Variants in NEK1 observed in about 807,000 individuals in gnomAD.
NEK1 encodes the protein serine/threonine-protein kinase Nek1.
Under a neutral mutation model 182.1 loss-of-function variants are expected in NEK1, and 137 were observed. The observed-to-expected ratio is 0.75, with a 90% CI of 0.65 to 0.87. The LOEUF is 0.87. Ranked by LOEUF, NEK1 falls within the 40% of genes least tolerant of loss-of-function variation. The pLI, the probability that NEK1 is intolerant of heterozygous loss-of-function variation, is 0.00. For missense variants in NEK1, 1,391 were observed against 1,494.4 expected, an observed-to-expected ratio of 0.93 and a Z score of 1.14; for synonymous variants, 513 against 492.2, an observed-to-expected ratio of 1.04 and a Z score of -0.56.
chr4:169,549,254 C>A (rs998688021), intron 18 of NEK1, among the ~76,000 whole-genome samples: 3 of 152,186 alleles, frequency 2.0e-5, no homozygotes, highest in African/African-American at 7.2e-5. Flanking sequence ...GGTGACACCC[C>A]ACCCTGCTTC....
chr4:169,603,909 T>C (rs1273164967), intron 2 of NEK1, among the ~76,000 whole-genome samples: 1 of 152,118 alleles, frequency 6.6e-6, no homozygotes, highest in Non-Finnish European at 1.5e-5. Flanking sequence ...TTTCGCCATG[T>C]TGGCTGGTCT....
chr4:169,599,729 T>C (rs774205014), intron 4 of NEK1, among the ~76,000 whole-genome samples: 4 of 152,092 alleles, frequency 2.6e-5, no homozygotes, highest in African/African-American at 4.8e-5. Context: ...GAGCTTTCCT[T>C]AATTTTATGC....
intron 19 of NEK1, among the ~76,000 whole-genome samples, chr4:169,521,733 A>T (rs1257454668): frequency 6.6e-6 from 1 of 152,178 alleles, no homozygotes; most frequent in Non-Finnish European, 1.5e-5. Flanking sequence ...TTCTTCTTTC[A>T]GCACCTGAAA....
chr4:169,526,481 ACCC>A (rs1488327952), intron 19 of NEK1, among the ~76,000 whole-genome samples: 1 of 152,040 alleles, frequency 6.6e-6, no homozygotes, highest in East Asian at 1.9e-4. Flanking sequence ...ACAGAGGGAA[ACCC>A]CGTCTCTAAA....
chr4:169,521,888 T>C (rs1313621779), intron 19 of NEK1, among the ~76,000 whole-genome samples: 1 of 152,204 alleles, frequency 6.6e-6, no homozygotes, highest in African/African-American at 2.4e-5. Flanking sequence ...TTAGTGTGGA[T>C]TCGAGTTTAT....
intron 19 of NEK1, among the ~76,000 whole-genome samples, chr4:169,512,304 T>C (rs55712656): frequency 9.3e-4 from 142 of 152,246 alleles, no homozygotes; most frequent in African/African-American, 3.2e-3. Context: ...TTTTTTATTA[T>C]AGCCATTTTG....
At chr4:169,513,260 T>C (rs1325515137) in intron 19 of NEK1, among the ~76,000 whole-genome samples, 2 of 152,210 alleles carry the variant, frequency 1.3e-5, no homozygotes, top group Non-Finnish European at 2.9e-5. Flanking sequence ...TTAGATTTTT[T>C]TCACCAGCAT....
At chr4:169,605,469 TA>T (rs1771182981) in intron 2 of NEK1, among the ~76,000 whole-genome samples, 1 of 152,078 alleles carries the variant, frequency 6.6e-6, no homozygotes, top group Non-Finnish European at 1.5e-5. Context: ...ATAAAGGAAG[TA>T]AAAGGGAAAA....
chr4:169,606,652 A>G (rs1771389149), intron 2 of NEK1, among the ~76,000 whole-genome samples: 1 of 152,226 alleles, frequency 6.6e-6, no homozygotes, highest in Non-Finnish European at 1.5e-5. Context: ...AGAAGACCAC[A>G]GATATCTCTA....
chr4:169,561,228 G>T (rs1248451230), intron 16 of NEK1, among the ~76,000 whole-genome samples: 5 of 152,088 alleles, frequency 3.3e-5, no homozygotes, highest in African/African-American at 9.7e-5. Flanking sequence ...TTCCTGACAG[G>T]AATAATGTTA....
chr4:169,453,063 T>C lies in NEK1; in HGVS notation c.2587+10180A>G, dbSNP rs566638771. On this transcript the variant is annotated intron_variant, in intron 27 of 35. Transcript: ENST00000507142. ...ATCATGAGTGAACTCCCATTCACAA[T>C]AGCTACAAAGAGAATAAAATACCTA... 4.4e-3 allele frequency among the ~76,000 whole-genome samples: 674 copies of C among 152,248 alleles called. 5 individuals carry two copies. Among genetic ancestry groups the C allele is most frequent in the Non-Finnish European group, 6.6e-3 (446 of 68,026 alleles).
intron 29 of NEK1, among the ~76,000 whole-genome samples, chr4:169,431,095 G>A (rs1057493610): frequency 5.9e-5 from 9 of 151,970 alleles, no homozygotes; most frequent in African/African-American, 2.2e-4. Flanking sequence ...ATTTCAGATT[G>A]AATCACGAAC....
At chr4:169,597,286 C>T (rs1769669407) in intron 5 of NEK1, among the ~76,000 whole-genome samples, 1 of 152,080 alleles carries the variant, frequency 6.6e-6, no homozygotes, top group Admixed American at 6.6e-5. Context: ...CAATTACCAA[C>T]TTGATAAGTA....
rs761946886 is a variant in NEK1, at chr4:169,602,096, A to C, written c.126T>G (p.Ser42Arg). ...CTCTCCTTGATTCTTCTCTTTCTTT[A>C]CTGGACATCTTAAATGGGAGGAAAA... ...IKEINISRMS[S>R]KEREESRREV... Residue 42 changes from serine (S) to arginine (R), a missense_variant, in exon 4 of 36, where the codon AGT becomes AGG. By Grantham distance (110) the Ser-to-Arg change is moderately radical. Around this residue, in one of 5 missense-constraint regions of NEK1, gnomAD observed 42 missense variants for 47.9 expected, o/e 0.88. Coordinates refer to ENST00000507142, the MANE Select transcript of NEK1 (RefSeq NM_001199397.3). 1.2e-6 allele frequency: 2 copies of C among 1,610,768 alleles called. No individual in the cohort carries two copies. Among genetic ancestry groups the C allele is most frequent in the South Asian group, 2.2e-5 (2 of 91,012 alleles).
At chr4:169,588,607 T>C (rs1215353677) in intron 8 of NEK1, 42 bp downstream of exon 8, 7 of 1,249,348 alleles carry the variant, frequency 5.6e-6, no homozygotes, top group Admixed American at 4.3e-5. Flanking sequence ...AACAAAAAAA[T>C]TGAAAGCAAA....
At position 169,439,353 on chromosome 4, in the gene NEK1, C is replaced by T. The variant is rs548231492; in HGVS notation, c.2588-1094G>A. The stretch of plus-strand genomic sequence containing the variant: ...AACTGTCCTTAGCTCAGTTAATTTC[C>T]AGAGCAAAAAAGTTGTTCATCAAGT... On this transcript the variant is annotated intron_variant, in intron 27 of 35. Coordinates refer to ENST00000507142, the MANE Select transcript of NEK1 (RefSeq NM_001199397.3). Among the ~76,000 whole-genome samples the T allele has an allele frequency of 2.6e-5, 4 of 152,250 alleles. No homozygotes were observed. In the East Asian group the frequency reaches 5.8e-4, roughly 22 times the overall value.
At chr4:169,561,132 T>C (rs867242370) in intron 16 of NEK1, among the ~76,000 whole-genome samples, 3 of 152,210 alleles carry the variant, frequency 2.0e-5, no homozygotes, top group African/African-American at 7.2e-5. Flanking sequence ...AAGAAGCATC[T>C]TCTGAGAACT....
At chr4:169,525,027 C>T (rs1756683308) in intron 19 of NEK1, among the ~76,000 whole-genome samples, 1 of 152,126 alleles carries the variant, frequency 6.6e-6, no homozygotes, top group South Asian at 2.1e-4. Flanking sequence ...AGTACAGAGG[C>T]TACTTATTAG....
chr4:169,442,499 A>G (rs1739668071), intron 27 of NEK1, among the ~76,000 whole-genome samples: 1 of 152,238 alleles, frequency 6.6e-6, no homozygotes, highest in South Asian at 2.1e-4. Context: ...ATTACAATAG[A>G]TGCACAGATA....
Sources: gnomAD v4.1 joint callset for allele counts (sites outside exome capture counted in the v4.1 genomes callset) on GRCh38, gnomAD v4.1.1 for gene constraint, gnomAD v4.1.1 regional missense constraint, MANE v1.5 for transcripts, NCBI Gene and HGNC (gene_info 2026-07-23, HGNC 2026-07-21) for gene names.